The following EHMT1 variants were observed in gnomAD, a reference collection of about 807,000 sequenced individuals.
EHMT1 encodes euchromatic histone lysine methyltransferase 1.
Under a neutral mutation model 147.2 loss-of-function variants are expected in EHMT1, and 15 were observed. The ratio of observed to expected loss-of-function variants is 0.10; its 90% CI spans 0.07 to 0.16. The LOEUF is 0.16. Ranked by LOEUF, EHMT1 falls within the 10% of genes least tolerant of loss-of-function variation. EHMT1 has a pLI of 1.00. For missense variants in EHMT1, 1,587 were observed against 1,772.4 expected (o/e 0.90, Z 1.88); for synonymous variants, 795 against 709.6 (o/e 1.12, Z -1.91).
chr9:137,817,821 C>T (rs1286494716), intron 24 of EHMT1: 3 of 622,960 alleles, frequency 4.8e-6, no homozygotes, highest in Non-Finnish European at 5.7e-6. Context: ...AGGGGAGGAC[C>T]ATTCTGGGTT....
At chr9:137,680,494 G>T (rs145711757) in intron 1 of EHMT1, among the ~76,000 whole-genome samples, 236 of 152,266 alleles carry the variant, frequency 1.5e-3, no homozygotes, top group African/African-American at 5.0e-3. Flanking sequence ...TATCAAGTGG[G>T]TCATAATTTG....
intron 1 of EHMT1, among the ~76,000 whole-genome samples, chr9:137,646,148 T>A (rs1844866548): frequency 6.6e-6 from 1 of 152,106 alleles, no homozygotes; most frequent in African/African-American, 2.4e-5. Flanking sequence ...TAAATAGGGA[T>A]GGGATTTCTC....
chr9:137,626,216 C>G (rs756554858), intron 1 of EHMT1, among the ~76,000 whole-genome samples: 1 of 151,738 alleles, frequency 6.6e-6, no homozygotes, highest in Non-Finnish European at 1.5e-5. Flanking sequence ...TTTTTAGTAT[C>G]TCCTGTTCTT....
chr9:137,800,302 G>A (rs1953353684), intron 17 of EHMT1: 1 of 158,590 alleles, frequency 6.3e-6, no homozygotes, highest in African/African-American at 2.4e-5. Flanking sequence ...TGATCAGCCT[G>A]GGTGGGCATT....
At chr9:137,725,285 C>T (rs574830089) in intron 3 of EHMT1, among the ~76,000 whole-genome samples, 46 of 151,398 alleles carry the variant, frequency 3.0e-4, no homozygotes, top group Non-Finnish European at 5.9e-4. Context: ...GTTGGGCAGA[C>T]GTGTGGCCTT....
At chr9:137,761,646 A>T (rs902629339) in intron 9 of EHMT1, among the ~76,000 whole-genome samples, 1 of 151,336 alleles carries the variant, frequency 6.6e-6, no homozygotes, top group Non-Finnish European at 1.5e-5. Flanking sequence ...TTTAGTAGAG[A>T]CGGGGTTTCA....
chr9:137,742,477 C>T (rs1207281204), intron 4 of EHMT1, among the ~76,000 whole-genome samples: 1 of 152,058 alleles, frequency 6.6e-6, no homozygotes, highest in East Asian at 1.9e-4. Context: ...TGGATTTTCC[C>T]CATCCCTTTA....
intron 18 of EHMT1, among the ~76,000 whole-genome samples, chr9:137,805,103 TGA>T (rs1254359104): frequency 8.4e-6 from 1 of 118,876 alleles, no homozygotes; most frequent in Non-Finnish European, 1.5e-5. Flanking sequence ...TCTGCATGTG[TGA>T]GTCAGTCATC....
At chr9:137,759,991 G>A (rs992518310) in intron 9 of EHMT1, among the ~76,000 whole-genome samples, 5 of 152,184 alleles carry the variant, frequency 3.3e-5, no homozygotes, top group African/African-American at 9.7e-5. Context: ...AGTCCTCTCC[G>A]TATGCATTCG....
At chr9:137,826,967 G>A (rs1020184599) in intron 25 of EHMT1, among the ~76,000 whole-genome samples, 1 of 152,152 alleles carries the variant, frequency 6.6e-6, no homozygotes, top group South Asian at 2.1e-4. Flanking sequence ...CCATCAGATC[G>A]CTGCTGGAGG....
At chr9:137,745,374 T>G (rs1948455739) in intron 6 of EHMT1, 2 of 393,748 alleles carry the variant, frequency 5.1e-6, no homozygotes, top group Non-Finnish European at 8.9e-6. Flanking sequence ...GCTTGATTAT[T>G]TAAAAATTCG....
At chr9:137,728,799 GGTCTATGTGGGGAGAA>G (rs1189418419) in intron 4 of EHMT1, among the ~76,000 whole-genome samples, 1 of 152,152 alleles carries the variant, frequency 6.6e-6, no homozygotes, top group African/African-American at 2.4e-5. Flanking sequence ...TGACTCACTT[GGTCTATGTGGGGAGAA>G]GACCCTGGAG....
intron 1 of EHMT1, among the ~76,000 whole-genome samples, chr9:137,647,862 G>T (rs1332854231): frequency 1.3e-5 from 2 of 152,160 alleles, no homozygotes; most frequent in African/African-American, 2.4e-5. Flanking sequence ...CTCCCAAGGT[G>T]TTGGGATTAC....
At chr9:137,720,789 A>G (rs1284400813) in intron 3 of EHMT1, among the ~76,000 whole-genome samples, 2 of 152,084 alleles carry the variant, frequency 1.3e-5, no homozygotes, top group Non-Finnish European at 2.9e-5. Flanking sequence ...GCTGAAGGAC[A>G]CTGGGCATTT....
intron 2 of EHMT1, among the ~76,000 whole-genome samples, 178 bp from the exon 3 acceptor site, chr9:137,716,445 GTGT>G (rs1459561377): frequency 2.7e-5 from 1 of 36,598 alleles, no homozygotes; most frequent in African/African-American, 2.1e-4. Flanking sequence ...GGAGGAAGTT[GTGT>G]TGGTGTCATG....
rs1208333017 is a variant in EHMT1, at chr9:137,752,511, C to T, written c.1248+103C>T. On this transcript the variant is annotated intron_variant, in intron 7 of 26. Transcript: ENST00000460843. ...CCCAACAACCCTTGTTGCCTGAGCGCTCACCCATGTGCTTGGAGCTGGTCA... is the reference window on the plus strand; with the variant it reads ...CCCAACAACCCTTGTTGCCTGAGCGTTCACCCATGTGCTTGGAGCTGGTCA... 8.1e-6 allele frequency: 11 copies of T among 1,361,426 alleles called. No individual in the cohort carries two copies. In the East Asian group the frequency reaches 1.2e-4, roughly 15 times the overall value. The allele number at this position is 1,361,426 out of a possible 1,614,324, so 84.3% of individuals were successfully genotyped here. A position where few individuals can be genotyped will look rare whatever the true frequency, so the allele number is the denominator to read the frequency against.
chr9:137,726,402 C>T (rs1170376055), intron 3 of EHMT1, among the ~76,000 whole-genome samples: 5 of 152,318 alleles, frequency 3.3e-5, no homozygotes, highest in African/African-American at 1.2e-4. Flanking sequence ...TTACTTCATT[C>T]GGCACAGTGT....
At chr9:137,660,433 G>A (rs560011172) in intron 1 of EHMT1, among the ~76,000 whole-genome samples, 2 of 152,184 alleles carry the variant, frequency 1.3e-5, no homozygotes, top group Non-Finnish European at 2.9e-5. Flanking sequence ...CTGTCATACC[G>A]TATCCCACAG....
chr9:137,739,841 C>T (rs1328569816), intron 4 of EHMT1, among the ~76,000 whole-genome samples: 1 of 152,170 alleles, frequency 6.6e-6, no homozygotes, highest in African/African-American at 2.4e-5. Flanking sequence ...CCTGAATGGC[C>T]TGGGGTCTCT....
Sources: allele counts gnomAD v4.1 joint callset (sites outside exome capture counted in the v4.1 genomes callset), GRCh38; gene constraint gnomAD v4.1.1; transcripts MANE v1.5; gene names NCBI Gene and HGNC (gene_info 2026-07-23, HGNC 2026-07-21).